POU6F2: variants seen among roughly 807,000 people sequenced by gnomAD.
POU6F2 encodes POU domain, class 6, transcription factor 2.
In POU6F2, 31 loss-of-function variants were observed where a neutral mutation model predicts 71.3. That is an observed-to-expected ratio of 0.43 (90% CI 0.33 to 0.59). POU6F2 has a LOEUF of 0.59. Ranked by LOEUF, POU6F2 falls within the 20% of genes least tolerant of loss-of-function variation. POU6F2 has a pLI of 0.04. For synonymous variants in POU6F2, 347 were observed against 355.7 expected (o/e 0.98, Z 0.27); for missense variants, 783 against 856.8 (o/e 0.91, Z 1.07).
At chr7:39,030,211 G>A (rs974106594) in intron 1 of POU6F2, among the ~76,000 whole-genome samples, 6 of 151,628 alleles carry the variant, frequency 4.0e-5, no homozygotes, top group Non-Finnish European at 8.8e-5. Flanking sequence ...GAAGAAAGAT[G>A]TTCATGCATT....
intron 4 of POU6F2, among the ~76,000 whole-genome samples, chr7:39,214,790 T>C (rs912651171): frequency 1.3e-5 from 2 of 152,186 alleles, no homozygotes; most frequent in Non-Finnish European, 2.9e-5. Context: ...CTACAGGTTC[T>C]ATCAATAGCT....
intron 2 of POU6F2, among the ~76,000 whole-genome samples, chr7:39,194,686 T>C: frequency 6.6e-6 from 1 of 152,348 alleles, no homozygotes; most frequent in East Asian, 1.9e-4. Flanking sequence ...GGTCCCCTTC[T>C]ACGCTGTGGG....
chr7:39,121,924 C>G (rs1286368185), intron 2 of POU6F2, among the ~76,000 whole-genome samples: 1 of 152,170 alleles, frequency 6.6e-6, no homozygotes, highest in Non-Finnish European at 1.5e-5. Flanking sequence ...GTCTCAAACT[C>G]TTGACATCAA....
intron 4 of POU6F2, among the ~76,000 whole-genome samples, chr7:39,283,625 T>C (rs560458020): frequency 3.3e-5 from 5 of 152,336 alleles, no homozygotes; most frequent in Admixed American, 6.5e-5. Flanking sequence ...CTAATAATAT[T>C]CCATTGTATG....
intron 1 of POU6F2, among the ~76,000 whole-genome samples, chr7:39,031,474 A>G (rs565006440): frequency 1.3e-5 from 2 of 152,326 alleles, no homozygotes; most frequent in East Asian, 3.9e-4. Context: ...GTGAATATGT[A>G]ACAAAACACC....
chr7:39,012,055 A>T (rs1483524252), intron 1 of POU6F2, among the ~76,000 whole-genome samples: 1 of 151,842 alleles, frequency 6.6e-6, no homozygotes, highest in Non-Finnish European at 1.5e-5. Flanking sequence ...TATTCCCTGA[A>T]TCTGAACGTT....
intron 4 of POU6F2, among the ~76,000 whole-genome samples, chr7:39,336,482 T>C (rs561768221): frequency 4.9e-4 from 74 of 152,344 alleles, no homozygotes; most frequent in Non-Finnish European, 7.9e-4. Flanking sequence ...CTTTCTCTCC[T>C]TAGGACCAGG....
chr7:39,185,149 T>C (rs931231169), intron 2 of POU6F2, among the ~76,000 whole-genome samples: 3 of 152,002 alleles, frequency 2.0e-5, no homozygotes, highest in African/African-American at 7.2e-5. Flanking sequence ...GAAGTTATGA[T>C]GGCTGCAAGT....
intron 4 of POU6F2, among the ~76,000 whole-genome samples, chr7:39,302,596 G>C (rs1434762992): frequency 6.6e-6 from 1 of 152,244 alleles, no homozygotes; most frequent in Non-Finnish European, 1.5e-5. Flanking sequence ...ACTCTCTACA[G>C]TGGTTAGCAC....
chr7:39,207,412 G>C lies in POU6F2; in HGVS notation c.390G>C (p.Gln130His), dbSNP rs1405066899. ...VGPQPLLTAQ[Q>H]LASAVAGVMP... is the part of the protein sequence containing the mutation. Reference sequence around the variant, plus strand: ...TGCAGCCACTTCTGACGGCACAGCAGTTAGCTTCTGCTGTGGCCGGCGTGA... The same window carrying C: ...TGCAGCCACTTCTGACGGCACAGCACTTAGCTTCTGCTGTGGCCGGCGTGA... Residue 130 changes from glutamine to histidine, a missense_variant, in exon 4 of 10, where the codon CAG (glutamine) becomes CAC (histidine). By Grantham distance (24) the Gln-to-His change is conservative. Coordinates refer to ENST00000518318, the MANE Select transcript of POU6F2 (RefSeq NM_001370959.1). The C allele has an allele frequency of 1.9e-6, 3 of 1,613,976 alleles. No individual in the cohort carries two copies. In the South Asian group the frequency reaches 3.3e-5, roughly 18 times the overall value.
rs145537916 is a variant in POU6F2, at chr7:39,066,787, A to C, written c.106-19073A>C. ...TCATCTGGGAAATAAAGAGCTGAGAATATCTAAGACGTTTTTGACAAAGAA... is the reference window on the plus strand; with the variant it reads ...TCATCTGGGAAATAAAGAGCTGAGACTATCTAAGACGTTTTTGACAAAGAA... On this transcript the variant is annotated intron_variant, in intron 1 of 9. Transcript: ENST00000518318. Among the ~76,000 whole-genome samples, 850 of 150,372 alleles carry C rather than the reference A, an allele frequency of 5.7e-3. 6 individuals carry two copies. Among genetic ancestry groups the C allele is most frequent in the African/African-American group, 0.019 (776 of 41,322 alleles).
At chr7:39,036,165 A>G (rs1790059789) in intron 1 of POU6F2, among the ~76,000 whole-genome samples, 1 of 152,134 alleles carries the variant, frequency 6.6e-6, no homozygotes. Context: ...TGTAGGGCCC[A>G]GATGTAGCAC....
chr7:39,344,391 C>T (rs1014347625), intron 5 of POU6F2, among the ~76,000 whole-genome samples: 8 of 152,134 alleles, frequency 5.3e-5, no homozygotes, highest in Non-Finnish European at 7.4e-5. Context: ...AAAACTGCAT[C>T]GGAATCCCAC....
intron 4 of POU6F2, among the ~76,000 whole-genome samples, chr7:39,301,858 C>T (rs559582976): frequency 5.8e-4 from 88 of 152,250 alleles, no homozygotes; most frequent in African/African-American, 1.9e-3. Context: ...ATCACACAGA[C>T]ATACTTTGTT....
At chr7:39,382,680 G>A (rs140464155) in intron 5 of POU6F2, among the ~76,000 whole-genome samples, 78 of 152,346 alleles carry the variant, frequency 5.1e-4, no homozygotes, top group African/African-American at 1.9e-3. Context: ...TTCAGGGAAA[G>A]AACTCAAGCA....
chr7:39,362,027 G>C (rs1388547857), intron 5 of POU6F2, among the ~76,000 whole-genome samples: 1 of 152,194 alleles, frequency 6.6e-6, no homozygotes, highest in African/African-American at 2.4e-5. Flanking sequence ...CCATTATCTG[G>C]TGGTGATGTC....
intron 5 of POU6F2, among the ~76,000 whole-genome samples, chr7:39,358,609 G>C (rs1473862631): frequency 6.6e-6 from 1 of 152,190 alleles, no homozygotes; most frequent in Non-Finnish European, 1.5e-5. Context: ...TATTAATAAA[G>C]AGATGTTATT....
chr7:39,055,636 C>G (rs1473406593), intron 1 of POU6F2, among the ~76,000 whole-genome samples: 2 of 151,590 alleles, frequency 1.3e-5, no homozygotes, highest in African/African-American at 4.8e-5. Context: ...CTTTTTTTGT[C>G]TAGTTTTTTT....
chr7:39,117,521 G>C lies in POU6F2; in HGVS notation c.277+31490G>C, dbSNP rs147477144. On this transcript the variant is annotated intron_variant, in intron 2 of 9. Transcript: ENST00000518318. ...GGACAAAGAGGAGCAGGAAAGAGAT[G>C]ACCCTGAACAAGACAGTTCAGCAAA... is the stretch of plus-strand genomic sequence containing the variant. 1.2e-3 allele frequency among the ~76,000 whole-genome samples: 181 copies of C among 152,276 alleles called. 1 individual carries two copies. The Middle Eastern group carries it at 0.014, about 11-fold the overall frequency.
Sources: gnomAD v4.1 joint callset for allele counts (sites outside exome capture counted in the v4.1 genomes callset) on GRCh38, gnomAD v4.1.1 for gene constraint, MANE v1.5 for transcripts, NCBI Gene and HGNC (gene_info 2026-07-23, HGNC 2026-07-21) for gene names.